TMEM135: variants seen among roughly 807,000 people sequenced by gnomAD.
TMEM135 encodes the protein transmembrane protein 135, also known as peroxisomal membrane protein 52.
In TMEM135, 30 loss-of-function variants were observed where a neutral mutation model predicts 60.3. The ratio of observed to expected loss-of-function variants is 0.50; its 90% confidence interval spans 0.37 to 0.68. The LOEUF is 0.68. TMEM135 is among the 30% of genes least tolerant of loss of function. TMEM135 has a pLI of 0.00. For missense variants in TMEM135, 468 were observed against 548.8 expected, an observed-to-expected ratio of 0.85 and a Z score of 1.47; for synonymous variants, 190 against 186.7, an observed-to-expected ratio of 1.02 and a Z score of -0.14.
At chr11:87,234,798 G>T (rs1377403689) in intron 5 of TMEM135, among the ~76,000 whole-genome samples, 1 of 151,952 alleles carries the variant, frequency 6.6e-6, no homozygotes, top group East Asian at 1.9e-4. Flanking sequence ...CTTTTTCTCA[G>T]TTTCAAGTGT....
intron 5 of TMEM135, among the ~76,000 whole-genome samples, chr11:87,161,373 G>A (rs1250307743): frequency 1.3e-5 from 2 of 151,922 alleles, no homozygotes; most frequent in Non-Finnish European, 2.9e-5. Context: ...CTGCCTTCTG[G>A]GTGTTTGTGT....
chr11:87,075,906 G>C (rs1001813022), intron 3 of TMEM135, among the ~76,000 whole-genome samples: 2 of 151,764 alleles, frequency 1.3e-5, no homozygotes, highest in Non-Finnish European at 2.9e-5. Flanking sequence ...CTCTCTCTCT[G>C]TGTGCTGAAC....
chr11:87,056,874 ATTG>A (rs1219059662), intron 1 of TMEM135, among the ~76,000 whole-genome samples: 1 of 152,164 alleles, frequency 6.6e-6, no homozygotes, highest in African/African-American at 2.4e-5. Context: ...TTATCTGAAT[ATTG>A]TTGTTCAATT....
chr11:87,269,789 G>A (rs1211287943), intron 6 of TMEM135, among the ~76,000 whole-genome samples: 6 of 150,792 alleles, frequency 4.0e-5, no homozygotes, highest in Non-Finnish European at 5.9e-5. Flanking sequence ...ATTGTGAATA[G>A]TGCCGCAATA....
At position 87,126,541 on chromosome 11, in the gene TMEM135, G is replaced by A. The variant is rs866750012; in HGVS notation, c.397-30800G>A. Among the ~76,000 whole-genome samples, 9 of 151,042 alleles carry A rather than the reference G, an allele frequency of 6.0e-5. No individual in the cohort carries two copies. In the South Asian group the frequency reaches 6.3e-4, roughly 10 times the overall value. On this transcript the variant is annotated intron_variant, in intron 4 of 14. Transcript: ENST00000305494. ...TTTTTTGGAAGGAAATTTAGTTCTC[G>A]CTAAAAATGTATACATTTAAAAGTG...
chr11:87,068,743 G>A (rs561375079), intron 2 of TMEM135, among the ~76,000 whole-genome samples: 21 of 151,450 alleles, frequency 1.4e-4, no homozygotes, highest in East Asian at 1.4e-3. Context: ...CCCGGGAGGC[G>A]GAGCTTGCAG....
rs778005852 is a variant in TMEM135, at chr11:87,313,540, A to G, written c.1000+52A>G. On this transcript the variant is annotated intron_variant, in intron 11 of 14. Coordinates refer to ENST00000305494, the MANE Select transcript of TMEM135 (RefSeq NM_022918.4). ...TATTATTGTATTAATCAGTGGTAGG[A>G]ATGAATTGGAAATACCATCCAATTC... 3.3e-5 allele frequency: 47 copies of G among 1,427,710 alleles called. 1 individual carries two copies. In the South Asian group the frequency reaches 5.5e-4, roughly 17 times the overall value. The allele number at this position is 1,427,710 out of a possible 1,614,324, so 88.4% of individuals were successfully genotyped here. A position where few individuals can be genotyped will look rare whatever the true frequency, so the allele number is the denominator to read the frequency against.
intron 1 of TMEM135, among the ~76,000 whole-genome samples, chr11:87,066,250 G>C (rs1315854800): frequency 1.3e-5 from 2 of 152,074 alleles, no homozygotes; most frequent in Admixed American, 1.3e-4. Flanking sequence ...TTTTGGTTAT[G>C]TTGTTTCATT....
At position 87,186,112 on chromosome 11, in the gene TMEM135, G is replaced by A. The variant is rs369718116; in HGVS notation, c.462+28706G>A. Among the ~76,000 whole-genome samples, 43 of 152,154 alleles carry A rather than the reference G, an allele frequency of 2.8e-4. No individual in the cohort carries two copies. In the South Asian group the frequency reaches 7.9e-3, roughly 28 times the overall value. ...AGTGGAGACGGGGTTTCACCATGTT[G>A]GCCAGGATGGTCTCAATCTCTTGAC... On this transcript the variant is annotated intron_variant, in intron 5 of 14. Transcript: ENST00000305494.
At chr11:87,085,216 A>G (rs768406599) in intron 3 of TMEM135, among the ~76,000 whole-genome samples, 15 of 152,316 alleles carry the variant, frequency 9.8e-5, no homozygotes, top group Non-Finnish European at 1.5e-4. Context: ...GTGTGGCTCT[A>G]TAATCCAACA....
intron 5 of TMEM135, among the ~76,000 whole-genome samples, chr11:87,166,112 A>C (rs112220530): frequency 0.067 from 10,134 of 151,660 alleles, 484 homozygotes; most frequent in African/African-American, 0.089. Context: ...CTTACCAACC[A>C]AATGTCTTCT....
At chr11:87,098,698 T>A (rs1281191077) in intron 4 of TMEM135, among the ~76,000 whole-genome samples, 1 of 151,766 alleles carries the variant, frequency 6.6e-6, no homozygotes, top group East Asian at 1.9e-4. Flanking sequence ...TATATATATA[T>A]ATTTTTTTGA....
chr11:87,108,032 A>G (rs998711956), intron 4 of TMEM135, among the ~76,000 whole-genome samples: 4 of 152,104 alleles, frequency 2.6e-5, no homozygotes, highest in African/African-American at 4.8e-5. Context: ...ACATTTTTTC[A>G]TGTGTCTTTT....
Position 87,321,474 on chromosome 11 carries a change from T to C in TMEM135, c.*141T>C. ...CTTTTCATTTGTTTTGTTTTTCTTA[T>C]GAATCAGAAATTCAGAAGCTTTTTA... On this transcript the variant is annotated 3_prime_UTR_variant, in exon 15 of 15. Coordinates refer to ENST00000305494, the MANE Select transcript of TMEM135 (RefSeq NM_022918.4). 1.0e-6 allele frequency: 1 copy of C among 976,446 alleles called. No homozygotes were observed. 60.5% of individuals were successfully genotyped at this position (976,446 alleles called of 1,614,324 possible). A position where few individuals can be genotyped will look rare whatever the true frequency, so the allele number is the denominator to read the frequency against.
In TMEM135 at chr11:87,123,780, A is replaced by G. The variant is rs572247203; in HGVS notation, c.396+32385A>G. On this transcript the variant is annotated intron_variant, in intron 4 of 14. Coordinates refer to ENST00000305494, the MANE Select transcript of TMEM135 (RefSeq NM_022918.4). ...ACTGGGAAACAAGTTGAGAATTAAC[A>G]TTTATTGAGCCCCTACCATCTTCCA... Among the ~76,000 whole-genome samples, 269 of 152,286 alleles carry G rather than the reference A, an allele frequency of 1.8e-3. 3 individuals are homozygous for G. Among genetic ancestry groups the G allele is most frequent in the African/African-American group, 6.1e-3 (252 of 41,570 alleles).
At chr11:87,309,804 A>T in intron 10 of TMEM135, 132 bp downstream of exon 10, 1 of 950,632 alleles carries the variant, frequency 1.1e-6, no homozygotes, top group South Asian at 1.5e-5. Flanking sequence ...TGACATAACC[A>T]AATCTATACA....
intron 5 of TMEM135, among the ~76,000 whole-genome samples, chr11:87,181,284 C>T (rs1269867617): frequency 6.6e-6 from 1 of 151,642 alleles, no homozygotes; most frequent in Non-Finnish European, 1.5e-5. Flanking sequence ...AATATCTGAA[C>T]AATAAAGATA....
chr11:87,088,928 A>G (rs1857150912), intron 3 of TMEM135, among the ~76,000 whole-genome samples: 4 of 152,362 alleles, frequency 2.6e-5, no homozygotes, highest in South Asian at 2.1e-4. Context: ...GCATGATGCC[A>G]TAAGTGGAAA....
chr11:87,081,093 G>GTTTT (rs35529723), intron 3 of TMEM135, among the ~76,000 whole-genome samples: 92 of 149,394 alleles, frequency 6.2e-4, no homozygotes, highest in South Asian at 1.9e-3. Flanking sequence ...TATAATTAAA[G>GTTTT]TTTTTTTTTT....
Sources: allele counts gnomAD v4.1 joint callset (sites outside exome capture counted in the v4.1 genomes callset), GRCh38; gene constraint gnomAD v4.1.1; transcripts MANE v1.5; gene names NCBI Gene and HGNC (gene_info 2026-07-23, HGNC 2026-07-21).